Variants in KCNH1 observed in about 807,000 individuals in gnomAD.
KCNH1 encodes the protein voltage-gated delayed rectifier potassium channel KCNH1.
A neutral mutation model predicts 69.2 loss-of-function variants in KCNH1; 27 were observed. The ratio of observed to expected loss-of-function variants is 0.39; its 90% CI spans 0.29 to 0.54. KCNH1 has a LOEUF of 0.54. Ranked by LOEUF, KCNH1 falls within the 20% of genes least tolerant of loss-of-function variation. KCNH1 has a pLI of 0.68. For missense variants in KCNH1, 798 were observed against 1,261.6 expected (o/e 0.63, Z 5.57); for synonymous variants, 456 against 487.7 (o/e 0.93, Z 0.86).
intron 3 of KCNH1, among the ~76,000 whole-genome samples, chr1:211,095,139 C>T (rs1355600657): frequency 6.6e-6 from 1 of 152,126 alleles, no homozygotes; most frequent in African/African-American, 2.4e-5. Flanking sequence ...GCTAGAGAGG[C>T]AATAAATGCA....
intron 7 of KCNH1, among the ~76,000 whole-genome samples, chr1:210,832,742 T>G (rs916721322): frequency 2.2e-4 from 34 of 151,902 alleles, no homozygotes; most frequent in African/African-American, 8.2e-4. Context: ...CAGGACCCGT[T>G]TTTTTCACCC....
At position 210,877,011 on chromosome 1, in the gene KCNH1, G is replaced by A. The variant is rs943820350; in HGVS notation, c.1462+42629C>T. ...AGCCTCAGAGATAACGAGCTCACAG[G>A]TACTTCTCTCTTGAGGGAGATCTAA... On this transcript the variant is annotated intron_variant, in intron 7 of 10. Coordinates refer to ENST00000271751, the MANE Select transcript of KCNH1 (RefSeq NM_172362.3). Among the ~76,000 whole-genome samples, 3 of 150,344 alleles carry A rather than the reference G, an allele frequency of 2.0e-5. No homozygotes were observed. The East Asian group carries it at 5.8e-4, about 29-fold the overall frequency.
intron 5 of KCNH1, among the ~76,000 whole-genome samples, chr1:211,020,487 G>C (rs1196457248): frequency 8.9e-6 from 1 of 112,104 alleles, no homozygotes; most frequent in Non-Finnish European, 2.0e-5. Context: ...AATTGAATCA[G>C]TAATAAAAAA....
chr1:210,683,194 G>T lies in KCNH1; in HGVS notation c.*87C>A, dbSNP rs1681313303. The T allele has an allele frequency of 2.3e-6, 3 of 1,282,790 alleles. No individual in the cohort carries two copies. Among genetic ancestry groups the T allele is most frequent in the Non-Finnish European group, 3.2e-6 (3 of 929,434 alleles). 79.5% of individuals were successfully genotyped at this position (1,282,790 alleles called of 1,614,324 possible). A position where few individuals can be genotyped will look rare whatever the true frequency, so the allele number is the denominator to read the frequency against. ...GTTAGGAAAAGCCTACTTGAAAATT[G>T]TTGGTCATGTGGACATATGTGGTAG... On this transcript the variant is annotated 3_prime_UTR_variant, in exon 11 of 11. Transcript: ENST00000271751. This position sits in a 1 kb window ranked among gnomAD's most constrained non-coding sequence, Gnocchi z 5.7.
At position 210,703,048 on chromosome 1, in the gene KCNH1, TTTA is replaced by T. The variant is rs1681821860; in HGVS notation, c.2113-18913_2113-18911del. Among the ~76,000 whole-genome samples, 4 of 152,216 alleles carry T rather than the reference TTTA, an allele frequency of 2.6e-5. No homozygotes were observed. In the South Asian group the frequency reaches 6.2e-4, roughly 24 times the overall value. On this transcript the variant is annotated intron_variant, in intron 10 of 10. Coordinates refer to ENST00000271751, the MANE Select transcript of KCNH1 (RefSeq NM_172362.3). ...GCTAATCTCCCACATTTAACACAATTTTATTATTTTAATTAATTTTTAAAATAT... is the reference window on the plus strand; with the variant it reads ...GCTAATCTCCCACATTTAACACAATTTTATTTTAATTAATTTTTAAAATAT...
At chr1:210,793,944 G>A (rs907008396) in intron 9 of KCNH1, among the ~76,000 whole-genome samples, 1 of 152,304 alleles carries the variant, frequency 6.6e-6, no homozygotes. Context: ...CTGGACTAAT[G>A]TTTGGTCCAC....
At chr1:210,710,902 G>A (rs753054011) in intron 10 of KCNH1, among the ~76,000 whole-genome samples, 3 of 152,152 alleles carry the variant, frequency 2.0e-5, no homozygotes, top group African/African-American at 4.8e-5. Flanking sequence ...AGCAAACAGA[G>A]GACAATTAAG....
In KCNH1 at chr1:210,703,966, G is replaced by C. The variant is rs138484468; in HGVS notation, c.2113-19828C>G. Among the ~76,000 whole-genome samples the C allele has an allele frequency of 3.5e-4, 53 of 152,270 alleles. 1 individual carries two copies. The East Asian group carries it at 9.3e-3, about 27-fold the overall frequency. On this transcript the variant is annotated intron_variant, in intron 10 of 10. Coordinates refer to ENST00000271751, the MANE Select transcript of KCNH1 (RefSeq NM_172362.3). Reference sequence around the variant, plus strand: ...ATGGTGCTCCATGATAAAGTGCAGCGTGCACCCCCATAGGCCAAGTGCTCT... The same window carrying C: ...ATGGTGCTCCATGATAAAGTGCAGCCTGCACCCCCATAGGCCAAGTGCTCT...
intron 6 of KCNH1, among the ~76,000 whole-genome samples, chr1:211,006,785 A>T (rs1689294219): frequency 6.6e-6 from 1 of 152,218 alleles, no homozygotes; most frequent in African/African-American, 2.4e-5. Context: ...CCAAATTTTG[A>T]TATGTCCATA....
chr1:211,039,256 G>A (rs1457238519), intron 5 of KCNH1, among the ~76,000 whole-genome samples: 1 of 152,234 alleles, frequency 6.6e-6, no homozygotes, highest in Non-Finnish European at 1.5e-5. Flanking sequence ...ATCAAGAATT[G>A]AAGTTTGGGA....
At chr1:210,868,031 G>GA (rs1189263127) in intron 7 of KCNH1, among the ~76,000 whole-genome samples, 1 of 151,940 alleles carries the variant, frequency 6.6e-6, no homozygotes, top group African/African-American at 2.4e-5. Flanking sequence ...GAACAGAAGT[G>GA]GAAACACTAG....
intron 6 of KCNH1, among the ~76,000 whole-genome samples, chr1:210,929,880 A>G (rs1359787907): frequency 6.6e-6 from 1 of 152,246 alleles, no homozygotes; most frequent in African/African-American, 2.4e-5. Context: ...TTATTCACCA[A>G]CAGCAACCAA....
chr1:211,046,346 T>C (rs533242070), intron 5 of KCNH1, among the ~76,000 whole-genome samples: 3 of 152,330 alleles, frequency 2.0e-5, no homozygotes, highest in African/African-American at 7.2e-5. Flanking sequence ...TGTACCTTCC[T>C]TGAAGAATAA....
intron 5 of KCNH1, among the ~76,000 whole-genome samples, chr1:211,032,539 G>T (rs1476275315): frequency 2.0e-5 from 3 of 152,160 alleles, no homozygotes; most frequent in African/African-American, 7.2e-5. Flanking sequence ...AACCAAAACA[G>T]CATGGTACTG....
At chr1:210,877,995 A>G (rs1686416540) in intron 7 of KCNH1, among the ~76,000 whole-genome samples, 1 of 152,178 alleles carries the variant, frequency 6.6e-6, no homozygotes, top group Non-Finnish European at 1.5e-5. Flanking sequence ...TGAATTCAAT[A>G]TTATACTCAT....
Position 211,015,412 on chromosome 1 carries a change from T to C in KCNH1, c.1032+3371A>G, listed in dbSNP as rs546033402. On this transcript the variant is annotated intron_variant, in intron 6 of 10. Transcript: ENST00000271751. The stretch of plus-strand genomic sequence containing the variant: ...AGTGAGTCATTTCCCCTGTCTTTTT[T>C]CTTACTTGTGTATTAAGAAGGTTGA... Among the ~76,000 whole-genome samples, 4 of 152,340 alleles carry C rather than the reference T, an allele frequency of 2.6e-5. No homozygotes were observed. In the East Asian group the frequency reaches 5.8e-4, roughly 22 times the overall value.
At position 210,989,994 on chromosome 1, in the gene KCNH1, T is replaced by C. The variant is rs17017094; in HGVS notation, c.1032+28789A>G. The stretch of plus-strand genomic sequence containing the variant: ...TATGAACATGCTGCACTGCTCTGTA[T>C]ATTCACCTTCCTGGGCAAATACTCA... On this transcript the variant is annotated intron_variant, in intron 6 of 10. Coordinates refer to ENST00000271751, the MANE Select transcript of KCNH1 (RefSeq NM_172362.3). Among the ~76,000 whole-genome samples the C allele has an allele frequency of 3.4e-3, 514 of 152,352 alleles. 11 individuals are homozygous for C. Among genetic ancestry groups the C allele is most frequent in the Admixed American group, 0.023 (355 of 15,298 alleles).
chr1:210,737,959 G>T (rs1443160259), intron 10 of KCNH1, among the ~76,000 whole-genome samples: 1 of 152,110 alleles, frequency 6.6e-6, no homozygotes, highest in African/African-American at 2.4e-5. Flanking sequence ...TCACTCCCCT[G>T]CTCAAAACCC....
At chr1:210,853,868 A>G (rs1685764418) in intron 7 of KCNH1, among the ~76,000 whole-genome samples, 1 of 141,678 alleles carries the variant, frequency 7.1e-6, no homozygotes, top group Non-Finnish European at 1.5e-5. Flanking sequence ...AGCATTTTCA[A>G]TTCTTCTTCT....
Sources: allele counts gnomAD v4.1 joint callset (sites outside exome capture counted in the v4.1 genomes callset), GRCh38; gene constraint gnomAD v4.1.1; non-coding constraint Gnocchi (gnomAD v3.1); transcripts MANE v1.5; gene names NCBI Gene and HGNC (gene_info 2026-07-23, HGNC 2026-07-21).